The following ST14 variants were observed in gnomAD, a reference collection of about 807,000 sequenced individuals.
ST14 encodes the protein suppressor of tumorigenicity 14 protein.
Under a neutral mutation model 96.5 loss-of-function variants are expected in ST14, and 40 were observed. The observed-to-expected ratio is 0.41, with a 90% CI of 0.32 to 0.54. The LOEUF is 0.54. ST14 is among the 20% of genes least tolerant of loss of function. ST14 has a pLI of 0.17. For missense variants in ST14, 1,066 were observed against 1,188.9 expected (o/e 0.90, Z 1.52); for synonymous variants, 506 against 492.1 (o/e 1.03, Z -0.37).
intron 1 of ST14, among the ~76,000 whole-genome samples, chr11:130,179,864 A>T (rs893946939): frequency 6.6e-6 from 1 of 152,206 alleles, no homozygotes; most frequent in African/African-American, 2.4e-5. Context: ...ACCTTTAGCC[A>T]GTCCGGCAGG....
intron 1 of ST14, among the ~76,000 whole-genome samples, chr11:130,173,911 G>C (rs1953115022): frequency 6.6e-6 from 1 of 152,194 alleles, no homozygotes; most frequent in African/African-American, 2.4e-5. Context: ...AGAGAGTGCT[G>C]GCCAGGTCGC....
Position 130,167,197 on chromosome 11 carries a change from C to T in ST14, c.81+7137C>T, listed in dbSNP as rs183614302. 2.8e-4 allele frequency among the ~76,000 whole-genome samples: 43 copies of T among 152,254 alleles called. No individual in the cohort carries two copies. The South Asian group carries it at 2.9e-3, about 10-fold the overall frequency. On this transcript the variant is annotated intron_variant, in intron 1 of 18. Transcript: ENST00000278742. Reference sequence around the variant, plus strand: ...TTGCACTCCAGCCTGGGTGACAGAGCGAGACTCTGTCTCAAAAAAAATTTT... The same window carrying T: ...TTGCACTCCAGCCTGGGTGACAGAGTGAGACTCTGTCTCAAAAAAAATTTT...
At chr11:130,183,038 C>T (rs561130776) in intron 1 of ST14, among the ~76,000 whole-genome samples, 1 of 151,750 alleles carries the variant, frequency 6.6e-6, no homozygotes, top group Admixed American at 6.6e-5. Context: ...CTCACCGCAA[C>T]CTCTGCCTCC....
In ST14 at chr11:130,197,848, G is replaced by A. The variant is rs779901666; in HGVS notation, c.1362G>A (p.Pro454=). 40 of 1,576,818 alleles carry A rather than the reference G, an allele frequency of 2.5e-5. No homozygotes were observed. The highest frequency in any genetic ancestry group is 1.2e-4 in the Admixed American group (7 of 56,562). ...YLSYDSSDPC[P]GQFTCRTGRC... is the part of the protein sequence containing the mutation. ...GCCTGCCTGTGCCCGCAGCATGCCC[G>A]GGGCAGTTCACGTGCCGCACGGGGC... The change falls in exon 12 of 19, where the codon CCG becomes CCA. Residue 454 remains proline (P), a synonymous_variant. Transcript: ENST00000278742.
intron 16 of ST14, among the ~76,000 whole-genome samples, chr11:130,204,056 C>T (rs1050924819): frequency 1.3e-4 from 20 of 152,200 alleles, no homozygotes; most frequent in South Asian, 4.1e-4. Flanking sequence ...ACTTCGTTTC[C>T]GGACTCCCAG....
At chr11:130,161,599 C>T (rs1314783527) in intron 1 of ST14, among the ~76,000 whole-genome samples, 1 of 152,208 alleles carries the variant, frequency 6.6e-6, no homozygotes, top group Non-Finnish European at 1.5e-5. Context: ...CAGGATCCCA[C>T]ATTCAGCGGA....
chr11:130,164,839 G>A (rs1033911339), intron 1 of ST14, among the ~76,000 whole-genome samples: 3 of 151,874 alleles, frequency 2.0e-5, no homozygotes, highest in African/African-American at 7.3e-5. Flanking sequence ...CTGGATTCAA[G>A]CGATTCTCCT....
In ST14 at chr11:130,159,900, C is replaced by A. The variant is rs916282036; in HGVS notation, c.-80C>A. On this transcript the variant is annotated 5_prime_UTR_variant, in exon 1 of 19. Coordinates refer to ENST00000278742, the MANE Select transcript of ST14 (RefSeq NM_021978.4). ...CCGGAATCCCGCCGCCTGCGCCCCG[C>A]GCCCCGCGCCCTGCGGGCCATGGGA... 2 of 892,004 alleles carry A rather than the reference C, an allele frequency of 2.2e-6. No homozygotes were observed. The highest frequency in any genetic ancestry group is 2.9e-6 in the Non-Finnish European group (2 of 686,072). The allele number at this position is 892,004 out of a possible 1,614,324, so 55.3% of individuals were successfully genotyped here. A position where few individuals can be genotyped will look rare whatever the true frequency, so the allele number is the denominator to read the frequency against.
intron 7 of ST14, 103 bp downstream of exon 7, chr11:130,190,797 C>A: frequency 1.5e-6 from 2 of 1,362,044 alleles, no homozygotes; most frequent in Non-Finnish European, 2.0e-6. Flanking sequence ...CTCTTGGCCG[C>A]AGGCCACTGC....
At chr11:130,171,408 C>G (rs889933673) in intron 1 of ST14, among the ~76,000 whole-genome samples, 3 of 152,100 alleles carry the variant, frequency 2.0e-5, no homozygotes, top group Non-Finnish European at 4.4e-5. Context: ...TAGTTTGTTC[C>G]CACATCTTGG....
At chr11:130,170,515 G>A (rs1953081220) in intron 1 of ST14, among the ~76,000 whole-genome samples, 1 of 152,210 alleles carries the variant, frequency 6.6e-6, no homozygotes, top group Non-Finnish European at 1.5e-5. Flanking sequence ...TGAGGCCCCA[G>A]GGAGAAAGTA....
chr11:130,189,905 G>T lies in ST14; in HGVS notation c.598+9G>T, dbSNP rs373568662. Reference sequence around the variant, plus strand: ...CTCAGTGGTGGCTTTCCGTGAGTCCGAGGGCCAGGGGTGGGCGTGGGACTG... The same window carrying T: ...CTCAGTGGTGGCTTTCCGTGAGTCCTAGGGCCAGGGGTGGGCGTGGGACTG... On this transcript the variant is annotated intron_variant, in intron 5 of 18. Coordinates refer to ENST00000278742, the MANE Select transcript of ST14 (RefSeq NM_021978.4). The T allele has an allele frequency of 1.2e-6, 2 of 1,613,562 alleles. No individual in the cohort carries two copies. Among genetic ancestry groups the T allele is most frequent in the East Asian group, 2.2e-5 (1 of 44,852 alleles).
chr11:130,165,765 A>G (rs1953036530), intron 1 of ST14, among the ~76,000 whole-genome samples: 1 of 152,232 alleles, frequency 6.6e-6, no homozygotes, highest in African/African-American at 2.4e-5. Flanking sequence ...TTATCCTCAC[A>G]ACAGCTGTGT....
intron 7 of ST14, among the ~76,000 whole-genome samples, chr11:130,190,938 G>T (rs147859166): frequency 1.3e-5 from 2 of 152,364 alleles, no homozygotes; most frequent in Admixed American, 1.3e-4. Context: ...ACCAAATCCA[G>T]CCTGTGCGGC....
chr11:130,205,702 T>G (rs1486860160), intron 16 of ST14, among the ~76,000 whole-genome samples: 1 of 83,140 alleles, frequency 1.2e-5, no homozygotes, highest in Non-Finnish European at 2.9e-5. Flanking sequence ...TTTAGACGTT[T>G]TTTTTTTTGT....
rs559821995 is a variant in ST14 at position 130,197,781 on chromosome 11, G to A, written c.1355-60G>A. On this transcript the variant is annotated intron_variant, in intron 11 of 18. Transcript: ENST00000278742. Reference sequence around the variant, plus strand: ...GGAGGTTGGCCCGAGGGAGGGAGCCGGGAGCCAGCGGAGGGAGGTGGGTGG... The same window carrying A: ...GGAGGTTGGCCCGAGGGAGGGAGCCAGGAGCCAGCGGAGGGAGGTGGGTGG... The A allele has an allele frequency of 2.5e-4, 352 of 1,426,464 alleles. No homozygotes were observed. The Admixed American group carries it at 2.5e-3, about 10-fold the overall frequency. 88.4% of individuals were successfully genotyped at this position (1,426,464 alleles called of 1,614,324 possible). A position where few individuals can be genotyped will look rare whatever the true frequency, so the allele number is the denominator to read the frequency against.
intron 14 of ST14, 107 bp from the exon 15 acceptor site, chr11:130,198,840 G>A: frequency 1.2e-6 from 2 of 1,604,598 alleles, no homozygotes; most frequent in Non-Finnish European, 1.7e-6. Flanking sequence ...GCAGGCCTGG[G>A]TGAGGGGGTA....
In ST14 at chr11:130,198,754, G is replaced by C. The variant is rs1953396586; in HGVS notation, c.1684+133G>C. On this transcript the variant is annotated intron_variant, in intron 14 of 18. Coordinates refer to ENST00000278742, the MANE Select transcript of ST14 (RefSeq NM_021978.4). ...CTGTGTGTTAAGTGTGATGAGAAAG[G>C]GCTCTGGTTGGGGGAGAATTTTCCA... 4.8e-5 allele frequency: 65 copies of C among 1,366,924 alleles called. No individual in the cohort carries two copies. In the South Asian group the frequency reaches 7.6e-4, roughly 16 times the overall value. The allele number at this position is 1,366,924 out of a possible 1,614,324, so 84.7% of individuals were successfully genotyped here.
In ST14 at chr11:130,172,509, C is replaced by T. The variant is rs540980065; in HGVS notation, c.81+12449C>T. On this transcript the variant is annotated intron_variant, in intron 1 of 18. Transcript: ENST00000278742. ...CTCGGCTCACTGCAAGCTCTGCCTCCCAGGTTCACGCCTTTCTCCTGCCTC... is the reference window on the plus strand; with the variant it reads ...CTCGGCTCACTGCAAGCTCTGCCTCTCAGGTTCACGCCTTTCTCCTGCCTC... Among the ~76,000 whole-genome samples, 340 of 151,472 alleles carry T rather than the reference C, an allele frequency of 2.2e-3. 2 individuals carry two copies. The highest frequency in any genetic ancestry group is 0.02 in the Middle Eastern group (6 of 294).
Sources: gnomAD v4.1 joint callset for allele counts (sites outside exome capture counted in the v4.1 genomes callset) on GRCh38, gnomAD v4.1.1 for gene constraint, MANE v1.5 for transcripts, NCBI Gene and HGNC (gene_info 2026-07-23, HGNC 2026-07-21) for gene names.